NPAS3: variants seen among roughly 807,000 people sequenced by gnomAD.
The protein encoded by NPAS3 is neuronal PAS domain protein 3, also known as neuronal PAS domain-containing protein 3.
NPAS3 carries 14 observed loss-of-function variants against 73.1 expected under a neutral mutation model. The ratio of observed to expected loss-of-function variants is 0.19; its 90% CI spans 0.13 to 0.30. The LOEUF (loss-of-function observed/expected upper bound fraction) is 0.30. Ranked by LOEUF, NPAS3 falls within the 10% of genes least tolerant of loss-of-function variation. NPAS3 has a pLI of 1.00. For missense variants in NPAS3, 1,096 were observed against 1,250.0 expected (o/e 0.88, Z 1.86); for synonymous variants, 620 against 541.5 (o/e 1.14, Z -2.01).
chr14:33,354,161 A>G (rs1201122201), intron 3 of NPAS3, among the ~76,000 whole-genome samples: 1 of 152,142 alleles, frequency 6.6e-6, no homozygotes, highest in African/African-American at 2.4e-5. Flanking sequence ...ATAGACATCC[A>G]AAGTCACTTT....
chr14:33,197,100 A>G (rs1233295104), intron 2 of NPAS3, among the ~76,000 whole-genome samples: 1 of 152,110 alleles, frequency 6.6e-6, no homozygotes, highest in African/African-American at 2.4e-5. Context: ...GCCCTTATGG[A>G]TTTTACAATG....
intron 2 of NPAS3, among the ~76,000 whole-genome samples, chr14:33,170,492 T>C (rs2045349608): frequency 6.6e-6 from 1 of 152,232 alleles, no homozygotes; most frequent in Admixed American, 6.5e-5. Context: ...CCCCATTGAT[T>C]GATTTGACCT....
At chr14:33,347,503 A>T (rs192064064) in intron 3 of NPAS3, among the ~76,000 whole-genome samples, 23 of 152,382 alleles carry the variant, frequency 1.5e-4, no homozygotes, top group Non-Finnish European at 2.4e-4. Context: ...TTTTCCAACT[A>T]TTCATTGCCG....
chr14:32,958,715 C>A (rs142468112), intron 1 of NPAS3, among the ~76,000 whole-genome samples: 362 of 152,308 alleles, frequency 2.4e-3, no homozygotes, highest in African/African-American at 7.2e-3. Context: ...ATACCTCAAA[C>A]TCAATGGAAC....
chr14:33,290,661 C>T lies in NPAS3; in HGVS notation c.385+75235C>T, dbSNP rs572806236. Among the ~76,000 whole-genome samples, 18 of 152,212 alleles carry T rather than the reference C, an allele frequency of 1.2e-4. No individual in the cohort carries two copies. In the East Asian group the frequency reaches 2.5e-3, roughly 21 times the overall value. Reference sequence around the variant, plus strand: ...AGTAACAATAACCTTCTTGCTCTACCGTGCACACTAAAAAAGAATTTTTTA... The same window carrying T: ...AGTAACAATAACCTTCTTGCTCTACTGTGCACACTAAAAAAGAATTTTTTA... On this transcript the variant is annotated intron_variant, in intron 3 of 11. Transcript: ENST00000356141.
At chr14:33,228,141 A>G (rs2139754430) in intron 3 of NPAS3, among the ~76,000 whole-genome samples, 1 of 152,316 alleles carries the variant, frequency 6.6e-6, no homozygotes, top group African/African-American at 2.4e-5. Flanking sequence ...ACACATTCTA[A>G]TTAGGGCTTT....
intron 6 of NPAS3, among the ~76,000 whole-genome samples, chr14:33,688,950 G>A (rs895901366): frequency 2.0e-5 from 3 of 152,180 alleles, no homozygotes; most frequent in Non-Finnish European, 4.4e-5. Flanking sequence ...AAATTGCACT[G>A]CCTATATTAT....
chr14:33,295,633 C>G (rs1269140062), intron 3 of NPAS3, among the ~76,000 whole-genome samples: 1 of 152,206 alleles, frequency 6.6e-6, no homozygotes, highest in Admixed American at 6.5e-5. Context: ...GTGAGTATCG[C>G]TCCCTGTGAA....
chr14:33,377,427 C>T (rs2046356919), intron 4 of NPAS3, among the ~76,000 whole-genome samples: 1 of 152,204 alleles, frequency 6.6e-6, no homozygotes. Flanking sequence ...AGCCATCGAC[C>T]ATTGCTATAA....
At chr14:33,326,038 G>A (rs988919084) in intron 3 of NPAS3, among the ~76,000 whole-genome samples, 1 of 151,762 alleles carries the variant, frequency 6.6e-6, no homozygotes, top group Non-Finnish European at 1.5e-5. Context: ...TAAGACAGTT[G>A]TTTTGTTTTT....
chr14:33,256,769 A>G (rs2048793207), intron 3 of NPAS3, among the ~76,000 whole-genome samples: 1 of 152,124 alleles, frequency 6.6e-6, no homozygotes, highest in Non-Finnish European at 1.5e-5. Context: ...TTTTGGCTCT[A>G]TTTTTTCCAG....
chr14:32,944,991 G>T (rs557676926), intron 1 of NPAS3, among the ~76,000 whole-genome samples: 2 of 152,096 alleles, frequency 1.3e-5, no homozygotes, highest in Non-Finnish European at 2.9e-5. Flanking sequence ...CTCTACCATG[G>T]ACCGTGGTTA....
At chr14:33,428,650 G>A (rs2048654353) in intron 4 of NPAS3, among the ~76,000 whole-genome samples, 1 of 152,144 alleles carries the variant, frequency 6.6e-6, no homozygotes, top group Admixed American at 6.6e-5. Context: ...GTTTACAGGT[G>A]TTTAGACTCA....
chr14:33,001,205 C>T (rs939630622), intron 1 of NPAS3, among the ~76,000 whole-genome samples: 13 of 152,174 alleles, frequency 8.5e-5, no homozygotes, highest in African/African-American at 3.1e-4. Flanking sequence ...CTAAGAACCT[C>T]TTTCATTCAG....
intron 9 of NPAS3, among the ~76,000 whole-genome samples, chr14:33,788,447 T>C (rs981277099): frequency 2.6e-5 from 4 of 152,254 alleles, no homozygotes; most frequent in East Asian, 1.9e-4. Context: ...TGCAGCTTTT[T>C]AATGCATATG....
At position 33,380,839 on chromosome 14, in the gene NPAS3, A is replaced by G. The variant is rs113899348; in HGVS notation, c.468+13571A>G. ...GGAGCAGCTCTTTCCCTCAATTCTAAAGATATAAAAAATGCAGGTGACCCT... is the reference window on the plus strand; with the variant it reads ...GGAGCAGCTCTTTCCCTCAATTCTAGAGATATAAAAAATGCAGGTGACCCT... On this transcript the variant is annotated intron_variant, in intron 4 of 11. Transcript: ENST00000356141. 4.3e-3 allele frequency among the ~76,000 whole-genome samples: 650 copies of G among 152,260 alleles called. 5 individuals carry two copies. The highest frequency in any genetic ancestry group is 6.8e-3 in the Non-Finnish European group (460 of 67,998).
intron 4 of NPAS3, among the ~76,000 whole-genome samples, chr14:33,523,416 C>T (rs1036767380): frequency 5.4e-5 from 8 of 148,530 alleles, no homozygotes; most frequent in Middle Eastern, 3.2e-3. Flanking sequence ...CATGCCACTG[C>T]GCTCCAGCCT....
At chr14:33,323,078 G>A (rs2043530158) in intron 3 of NPAS3, among the ~76,000 whole-genome samples, 1 of 152,142 alleles carries the variant, frequency 6.6e-6, no homozygotes, top group African/African-American at 2.4e-5. Context: ...ATTTAAGTTT[G>A]CCTGGCTTAC....
At chr14:33,648,642 A>G (rs1350540719) in intron 5 of NPAS3, among the ~76,000 whole-genome samples, 9 of 152,182 alleles carry the variant, frequency 5.9e-5, no homozygotes, top group African/African-American at 2.2e-4. Flanking sequence ...TATCCTCTGG[A>G]CTGGCATAGA....
Sources: allele counts gnomAD v4.1 joint callset (sites outside exome capture counted in the v4.1 genomes callset), GRCh38; gene constraint gnomAD v4.1.1; transcripts MANE v1.5; gene names NCBI Gene and HGNC (gene_info 2026-07-23, HGNC 2026-07-21).